RHOT2: variants seen among roughly 807,000 people sequenced by gnomAD.
RHOT2 encodes the protein ras homolog family member T2.
RHOT2 carries 90 observed loss-of-function variants against 81.6 expected under a neutral mutation model. The ratio of observed to expected loss-of-function variants is 1.10; its 90% CI spans 0.93 to 1.31. The LOEUF (loss-of-function observed/expected upper bound fraction) is 1.31. Among genes scored for constraint, RHOT2 ranks in the 40% most tolerant of loss-of-function variants. The pLI is 0.00. For synonymous variants in RHOT2, 512 were observed against 370.9 expected, an observed-to-expected ratio of 1.38 and a Z score of -4.37; for missense variants, 1,014 against 841.9, an observed-to-expected ratio of 1.20 and a Z score of -2.53.
chr16:670,427 C>G (rs750261846), intron 7 of RHOT2, 29 bp from the exon 8 acceptor site: 2 of 1,606,540 alleles, frequency 1.2e-6, no homozygotes, highest in African/African-American at 2.7e-5. Context: ...CCTCGGGGCA[C>G]TTCCCTGAGG....
In RHOT2 at chr16:668,406, G is replaced by A. The variant is rs2038280853; in HGVS notation, c.91G>A (p.Glu31Lys). ...ILSLVGEEFP[E>K]EVPPRAEEIT... ...GTCCCTGGTGGGCGAGGAGTTCCCC[G>A]AGGAGGTAAGGGGCACGCCCGCCGC... The change falls in exon 2 of 19, where the codon GAG becomes AAG. Residue 31 changes from glutamate (E) to lysine (K), a missense_variant. Physicochemically the swap from Glu to Lys is moderately conservative, Grantham distance 56 (BLOSUM62 1). Coordinates refer to ENST00000315082, the MANE Select transcript of RHOT2 (RefSeq NM_138769.3). 1.3e-5 allele frequency: 20 copies of A among 1,493,588 alleles called. No homozygotes were observed. The highest frequency in any genetic ancestry group is 1.7e-5 in the Non-Finnish European group (19 of 1,127,696). The allele number at this position is 1,493,588 out of a possible 1,614,324, so 92.5% of individuals were successfully genotyped here.
chr16:670,020 C>A (rs2038647361), intron 5 of RHOT2, 103 bp from the exon 6 acceptor site: 2 of 1,127,836 alleles, frequency 1.8e-6, no homozygotes, highest in Non-Finnish European at 2.5e-6. Context: ...CCTCAGTGGG[C>A]CTTGACCTCC....
Position 670,908 on chromosome 16 carries a change from A to G in RHOT2, c.656A>G (p.His219Arg). ...LNAFQKSCFG[H>R]PLAPQALEDV... ...CGGAAGCAGAAATCCTGCTTTGGGC[A>G]CCCCCTGGCCCCGCAGGCCCTGGAG... The change falls in exon 10 of 19, where the codon CAC becomes CGC. Residue 219 changes from histidine to arginine, a missense_variant. His to Arg is a conservative substitution (Grantham distance 29). Transcript: ENST00000315082. 6.4e-7 allele frequency: 1 copy of G among 1,569,828 alleles called. No homozygotes were observed. The highest frequency in any genetic ancestry group is 1.2e-5 in the South Asian group (1 of 86,380).
chr16:668,524 G>A lies in RHOT2; in HGVS notation c.133G>A (p.Asp45Asn), dbSNP rs761855378. ...CGCGGAGGAGATCACCATCCCCGCG[G>A]ACGTCACCCCGGAGAAGGTGCCCAC... The part of the protein sequence containing the change: ...PRAEEITIPA[D>N]VTPEKVPTHI... Residue 45 changes from aspartate to asparagine, a missense_variant, in exon 3 of 19, where the codon GAC (aspartate) becomes AAC (asparagine). Coordinates refer to ENST00000315082, the MANE Select transcript of RHOT2 (RefSeq NM_138769.3). The A allele has an allele frequency of 8.7e-6, 14 of 1,610,334 alleles. No individual in the cohort carries two copies. In the South Asian group the frequency reaches 1.4e-4, roughly 16 times the overall value.
In RHOT2 at chr16:668,434, G is replaced by T. The variant is rs768241970; in HGVS notation, c.96+23G>T. 9 of 1,553,810 alleles carry T rather than the reference G, an allele frequency of 5.8e-6. No homozygotes were observed. In the Admixed American group the frequency reaches 1.7e-4, roughly 30 times the overall value. On this transcript the variant is annotated intron_variant, in intron 2 of 18. Coordinates refer to ENST00000315082, the MANE Select transcript of RHOT2 (RefSeq NM_138769.3). ...GAGGTAAGGGGCACGCCCGCCGCGGGGGTGGGAGCGGGCCCAGCCGGGGGT... is the reference window on the plus strand; with the variant it reads ...GAGGTAAGGGGCACGCCCGCCGCGGTGGTGGGAGCGGGCCCAGCCGGGGGT...
At position 673,138 on chromosome 16, in the gene RHOT2, C is replaced by T; in HGVS notation, c.1730+8C>T. ...CACCATGGCCGCCTTCCCGTGGGTA[C>T]CCAGTAGCGCAGCCCTGGGGACTAG... On this transcript the variant is annotated splice_region_variant and intron_variant, in intron 18 of 18. Transcript: ENST00000315082. The T allele has an allele frequency of 1.2e-6, 2 of 1,609,716 alleles. No homozygotes were observed. The highest frequency in any genetic ancestry group is 1.7e-6 in the Non-Finnish European group (2 of 1,179,588).
rs1298901380 is a variant in RHOT2 at position 671,094 on chromosome 16, C to T, written c.760C>T (p.Leu254=). The change falls in exon 11 of 19, where the codon CTG becomes TTG. Residue 254 remains leucine (L), a synonymous_variant. Transcript: ENST00000315082. ...TTGTCTCGGTGCAGGTTTCCTCTTC[C>T]TGAACACGCTCTTCATCCAGCGCGG... ...DRLTLDGFLF[L]NTLFIQRGRH... 10 of 1,609,060 alleles carry T rather than the reference C, an allele frequency of 6.2e-6. No homozygotes were observed. Among genetic ancestry groups the T allele is most frequent in the African/African-American group, 1.3e-5 (1 of 74,872 alleles).
Position 669,245 on chromosome 16 carries a change from C to G in RHOT2, c.223-308C>G, listed in dbSNP as rs901880822. ...CCGTGTCTGTCCTGAGCCCTCTGCT[C>G]CAAGGGTCTTGCTGACCACAGTTAT... On this transcript the variant is annotated intron_variant, in intron 4 of 18. Transcript: ENST00000315082. The G allele has an allele frequency of 3.1e-5, 16 of 510,854 alleles. No homozygotes were observed. The South Asian group carries it at 3.2e-4, about 10-fold the overall frequency. The allele number at this position is 510,854 out of a possible 1,614,324, so 31.6% of individuals were successfully genotyped here.
At chr16:671,815 CG>C in intron 12 of RHOT2, 34 bp downstream of exon 12, 5 of 1,318,708 alleles carry the variant, frequency 3.8e-6, no homozygotes, top group South Asian at 1.5e-5. Context: ...CCCCTGCCCC[CG>C]CCCCCTCCCC....
rs549667460 is a variant in RHOT2, at chr16:672,750, C to T, written c.1452C>T (p.Ala484=). 11 of 1,612,626 alleles carry T rather than the reference C, an allele frequency of 6.8e-6. No individual in the cohort carries two copies. The highest frequency in any genetic ancestry group is 2.2e-5 in the East Asian group (1 of 44,876). ...GTCTGCTGGCCACATCGCTGGACGCCACCTGTGACGTTGCCTGCTTGATGT... is the reference window on the plus strand; with the variant it reads ...GTCTGCTGGCCACATCGCTGGACGCTACCTGTGACGTTGCCTGCTTGATGT... ...TDGLLATSLD[A]TCDVACLMFD... The change falls in exon 17 of 19, where the codon GCC becomes GCT. Residue 484 remains alanine, a synonymous_variant. Transcript: ENST00000315082.
In RHOT2 at chr16:670,494, C is replaced by G; in HGVS notation, c.477C>G (p.Phe159Leu). The G allele has an allele frequency of 6.2e-7, 1 of 1,608,452 alleles. No individual in the cohort carries two copies. The highest frequency in any genetic ancestry group is 8.5e-7 in the Non-Finnish European group (1 of 1,177,594). The part of the protein sequence containing the change: ...AKNLRNISEL[F>L]YYAQKAVLHP... ...ACCTGAGGAACATCTCAGAGCTGTT[C>G]TACTACGCCCAGAAGGCCGTCCTGC... The change falls in exon 8 of 19, where the codon TTC becomes TTG. Residue 159 changes from phenylalanine to leucine, a missense_variant. Coordinates refer to ENST00000315082, the MANE Select transcript of RHOT2 (RefSeq NM_138769.3).
rs758469364 is a variant in RHOT2, at chr16:670,951, GT to G, written c.700del (p.Cys234AlafsTer13). On this transcript the variant is annotated frameshift_variant, in exon 10 of 19. Coordinates refer to ENST00000315082, the MANE Select transcript of RHOT2 (RefSeq NM_138769.3). LOFTEE classifies it high-confidence loss of function. Reference protein sequence around the residue: ...QALEDVKTVVCRNVAGGVRED... With the variant: ...QALEDVKTVVXRNVAGGVRED... ...CCCTGGAGGACGTGAAGACGGTGGT[GT>G]GCAGGAACGTGGCGGGCGGCGTGCG... The G allele has an allele frequency of 2.6e-5, 41 of 1,573,978 alleles. No homozygotes were observed. The highest frequency in any genetic ancestry group is 3.5e-5 in the Non-Finnish European group (41 of 1,157,862).
intron 4 of RHOT2, 35 bp from the exon 5 acceptor site, chr16:669,518 G>A (rs1436345510): frequency 6.2e-7 from 1 of 1,607,508 alleles, no homozygotes; most frequent in South Asian, 1.1e-5. Context: ...TGAGCCAGCA[G>A]CCCTGTCACC....
intron 16 of RHOT2, 24 bp from the exon 17 acceptor site, chr16:672,679 T>G: frequency 6.2e-7 from 1 of 1,611,730 alleles, no homozygotes. Context: ...CAGGGACCCT[T>G]CCTAAGGCCG....
chr16:674,030 C>A lies in RHOT2; in HGVS notation c.*424C>A. ...GGCAGAGCTTTGGGCCAAAAGCAGG[C>A]GTTGGGGGGTCCCCCCTCAAGTTTG... On this transcript the variant is annotated 3_prime_UTR_variant, in exon 19 of 19. Coordinates refer to ENST00000315082, the MANE Select transcript of RHOT2 (RefSeq NM_138769.3). 1 of 302,158 alleles carries A rather than the reference C, an allele frequency of 3.3e-6. No individual in the cohort carries two copies. The highest frequency in any genetic ancestry group is 6.7e-6 in the Non-Finnish European group (1 of 150,134). The allele number at this position is 302,158 out of a possible 1,614,324, so 18.7% of individuals were successfully genotyped here.
At position 668,478 on chromosome 16, in the gene RHOT2, TC is replaced by T. The variant is rs2038305863; in HGVS notation, c.97-7del. On this transcript the variant is annotated splice_polypyrimidine_tract_variant and intron_variant, in intron 2 of 18. Coordinates refer to ENST00000315082, the MANE Select transcript of RHOT2 (RefSeq NM_138769.3). ...CGGGGGTCCCTGGTGAGCGCGCGGG[TC>T]CCTTGCAGGTCCCTCCCCGCGCGGA... 22 of 1,597,920 alleles carry T rather than the reference TC, an allele frequency of 1.4e-5. No homozygotes were observed. The highest frequency in any genetic ancestry group is 1.9e-5 in the Non-Finnish European group (22 of 1,173,844).
intron 12 of RHOT2, 29 bp downstream of exon 12, chr16:671,810 G>GCCCCTTCCCCCC: frequency 6.9e-6 from 11 of 1,586,170 alleles, no homozygotes; most frequent in Admixed American, 5.1e-5. Flanking sequence ...CCCTGCCCCT[G>GCCCCTTCCCCCC]CCCCCGCCCC....
chr16:671,751 T>C lies in RHOT2; in HGVS notation c.924T>C (p.Phe308=), dbSNP rs775933532. 6 of 1,612,498 alleles carry C rather than the reference T, an allele frequency of 3.7e-6. No individual in the cohort carries two copies. The highest frequency in any genetic ancestry group is 5.1e-6 in the Non-Finnish European group (6 of 1,179,794). The stretch of plus-strand genomic sequence containing the variant: ...AGCTCAACCACCTTGGCTACCAGTT[T>C]GTGCAGAGAGTGTTTGAGAAGCACG... ...STELNHLGYQ[F]VQRVFEKHDQ... Residue 308 remains phenylalanine (F), a synonymous_variant, in exon 12 of 19, where the codon TTT becomes TTC. Coordinates refer to ENST00000315082, the MANE Select transcript of RHOT2 (RefSeq NM_138769.3).
rs769090216 is a variant in RHOT2 at position 670,602 on chromosome 16, A to G, written c.540+45A>G. 19 of 1,597,944 alleles carry G rather than the reference A, an allele frequency of 1.2e-5. No individual in the cohort carries two copies. The East Asian group carries it at 4.0e-4, about 34-fold the overall frequency. ...CCGCACGCTGGTTCCCCAGGGGCCCAGGGGGTGCTGGGTGGGGCGGTGTGG... is the reference window on the plus strand; with the variant it reads ...CCGCACGCTGGTTCCCCAGGGGCCCGGGGGGTGCTGGGTGGGGCGGTGTGG... On this transcript the variant is annotated intron_variant, in intron 8 of 18. Transcript: ENST00000315082.
Sources: gnomAD v4.1 joint callset for allele counts on GRCh38, gnomAD v4.1.1 for gene constraint, MANE v1.5 for transcripts, NCBI Gene and HGNC (gene_info 2026-07-23, HGNC 2026-07-21) for gene names.